FUBP3: variants seen among roughly 807,000 people sequenced by gnomAD.
FUBP3 encodes far upstream element binding protein 3, also known as far upstream element-binding protein 3.
A neutral mutation model predicts 85.6 loss-of-function variants in FUBP3; 28 were observed. The observed-to-expected ratio is 0.33, with a 90% CI of 0.24 to 0.45. The LOEUF is 0.45. FUBP3 is among the 20% of genes least tolerant of loss of function. The probability of loss-of-function intolerance (pLI) is 1.00; values close to 1 mark genes in which losing one functional copy is unlikely to be tolerated. For synonymous variants in FUBP3, 271 were observed against 271.4 expected, an observed-to-expected ratio of 1.00 and a Z score of 0.01; for missense variants, 583 against 755.1, an observed-to-expected ratio of 0.77 and a Z score of 2.67.
intron 1 of FUBP3, among the ~76,000 whole-genome samples, chr9:130,590,537 C>T (rs1241226742): frequency 6.6e-6 from 1 of 152,200 alleles, no homozygotes; most frequent in Non-Finnish European, 1.5e-5. Context: ...AAATTGGTAG[C>T]AGAGTCCTCT....
At chr9:130,624,596 A>G (rs1462260972) in intron 11 of FUBP3, among the ~76,000 whole-genome samples, 2 of 149,850 alleles carry the variant, frequency 1.3e-5, no homozygotes, top group African/African-American at 4.9e-5. Flanking sequence ...CTTTCTTAAA[A>G]TGTTACAAGA....
intron 11 of FUBP3, among the ~76,000 whole-genome samples, chr9:130,626,120 T>C (rs1829961303): frequency 1.3e-5 from 2 of 152,206 alleles, no homozygotes; most frequent in South Asian, 4.1e-4. Context: ...CTATTTCTGT[T>C]GGATACATTT....
chr9:130,626,936 T>G (rs1830002138), intron 12 of FUBP3, among the ~76,000 whole-genome samples: 2 of 152,142 alleles, frequency 1.3e-5, no homozygotes, highest in Admixed American at 1.3e-4. Context: ...CAGGTTTGAG[T>G]ATTTGGTCTT....
chr9:130,596,659 CTAG>C (rs1830887281), intron 2 of FUBP3: 2 of 452,060 alleles, frequency 4.4e-6, no homozygotes, highest in South Asian at 3.2e-5. Context: ...ACCATGCCTC[CTAG>C]TACGTTTTTA....
At chr9:130,580,275 G>C (rs1049644855) in intron 1 of FUBP3, among the ~76,000 whole-genome samples, 3 of 152,242 alleles carry the variant, frequency 2.0e-5, no homozygotes, top group Non-Finnish European at 1.5e-5. Context: ...TTACATGTGT[G>C]GGGGTGGTCC....
chr9:130,600,462 G>A (rs959323874), intron 2 of FUBP3, among the ~76,000 whole-genome samples: 1 of 152,118 alleles, frequency 6.6e-6, no homozygotes, highest in Non-Finnish European at 1.5e-5. Flanking sequence ...TTAGAAGTGC[G>A]AATTTAAATG....
chr9:130,629,559 T>G (rs78548314), intron 12 of FUBP3, among the ~76,000 whole-genome samples: 2,536 of 152,212 alleles, frequency 0.017, 72 homozygotes, highest in African/African-American at 0.057. Flanking sequence ...ACTGGCCCGA[T>G]AGGCTGTTGA....
rs1829813353 is a variant in FUBP3 at position 130,622,820 on chromosome 9, A to G, written c.874+10A>G. 13 of 1,284,976 alleles carry G rather than the reference A, an allele frequency of 1.0e-5. No individual in the cohort carries two copies. Among genetic ancestry groups the G allele is most frequent in the Non-Finnish European group, 1.4e-5 (13 of 907,130 alleles). The allele number at this position is 1,284,976 out of a possible 1,614,324, so 79.6% of individuals were successfully genotyped here. ...ATTCAGTTTAAACCAGGTGGGTATGATGATTTAAAAATCCTTAGTGTTAAA... is the reference window on the plus strand; with the variant it reads ...ATTCAGTTTAAACCAGGTGGGTATGGTGATTTAAAAATCCTTAGTGTTAAA... On this transcript the variant is annotated intron_variant, in intron 10 of 18. Coordinates refer to ENST00000319725, the MANE Select transcript of FUBP3 (RefSeq NM_003934.2).
Position 130,622,787 on chromosome 9 carries a change from G to A in FUBP3, c.851G>A (p.Gly284Asp). 1 of 1,577,522 alleles carries A rather than the reference G, an allele frequency of 6.3e-7. No individual in the cohort carries two copies. Among genetic ancestry groups the A allele is most frequent in the South Asian group, 1.1e-5 (1 of 88,736 alleles). Residue 284 changes from glycine (G) to aspartate (D), a missense_variant, in exon 10 of 19, where the codon GGT becomes GAT. Physicochemically the swap from Gly to Asp is moderately conservative, Grantham distance 94 (BLOSUM62 -1). Coordinates refer to ENST00000319725, the MANE Select transcript of FUBP3 (RefSeq NM_003934.2). Reference protein sequence around the residue: ...EMIKKIQNDAGVRIQFKPDDG... With the variant: ...EMIKKIQNDADVRIQFKPDDG... ...ATCAAAAAGATCCAGAATGATGCTG[G>A]TGTGAGGATTCAGTTTAAACCAGGT...
At chr9:130,603,161 A>G (rs542892268) in intron 2 of FUBP3, among the ~76,000 whole-genome samples, 8 of 152,246 alleles carry the variant, frequency 5.3e-5, no homozygotes, top group African/African-American at 1.4e-4. Context: ...AGCCTGGCCA[A>G]CATGGTAAAA....
At position 130,589,675 on chromosome 9, in the gene FUBP3, GTATATA is replaced by G. The variant is rs1170568300; in HGVS notation, c.85-5782_85-5777del. Among the ~76,000 whole-genome samples, 249 of 34,148 alleles carry G rather than the reference GTATATA, an allele frequency of 7.3e-3. 3 individuals are homozygous for G. The highest frequency in any genetic ancestry group is 8.9e-3 in the South Asian group (8 of 894). The allele number at this position is 34,148 out of a possible 152,430, so 22.4% of individuals were successfully genotyped here. A position where few individuals can be genotyped will look rare whatever the true frequency, so the allele number is the denominator to read the frequency against. On this transcript the variant is annotated intron_variant, in intron 1 of 18. Coordinates refer to ENST00000319725, the MANE Select transcript of FUBP3 (RefSeq NM_003934.2). ...ATTTTAAATATGTATGTATGTGTGT[GTATATA>G]TATATATATATATATATATATATAT... is the stretch of plus-strand genomic sequence containing the variant.
At position 130,609,432 on chromosome 9, in the gene FUBP3, G is replaced by A. The variant is rs111385202; in HGVS notation, c.191-522G>A. 9.1e-3 allele frequency among the ~76,000 whole-genome samples: 1,291 copies of A among 141,716 alleles called. 23 individuals carry two copies. The highest frequency in any genetic ancestry group is 0.032 in the African/African-American group (1,226 of 37,824). The allele number at this position is 141,716 out of a possible 152,430, so 93.0% of individuals were successfully genotyped here. Reference sequence around the variant, plus strand: ...GGATCCTCTCCTTCAGATGCTTATGGTCTTGGGGGTGGGGGGGCCGGCGAG... The same window carrying A: ...GGATCCTCTCCTTCAGATGCTTATGATCTTGGGGGTGGGGGGGCCGGCGAG... On this transcript the variant is annotated intron_variant, in intron 2 of 18. Coordinates refer to ENST00000319725, the MANE Select transcript of FUBP3 (RefSeq NM_003934.2).
At chr9:130,629,243 A>C (rs1179488231) in intron 12 of FUBP3, among the ~76,000 whole-genome samples, 1 of 152,202 alleles carries the variant, frequency 6.6e-6, no homozygotes, top group Non-Finnish European at 1.5e-5. Context: ...CGGTGTCCCC[A>C]GACAGGCGGG....
intron 12 of FUBP3, 31 bp downstream of exon 12, chr9:130,626,536 C>G (rs772229647): frequency 6.2e-7 from 1 of 1,607,122 alleles, no homozygotes; most frequent in Non-Finnish European, 8.5e-7. Flanking sequence ...CACATCCCCC[C>G]TCAGCTGTTT....
chr9:130,601,909 C>A (rs568813978), intron 2 of FUBP3, among the ~76,000 whole-genome samples: 194 of 144,130 alleles, frequency 1.3e-3, no homozygotes, highest in African/African-American at 4.6e-3. Flanking sequence ...TCAAGTGATT[C>A]TCCTGCCTCA....
At chr9:130,592,174 G>C (rs1830654025) in intron 1 of FUBP3, among the ~76,000 whole-genome samples, 1 of 152,220 alleles carries the variant, frequency 6.6e-6, no homozygotes, top group Non-Finnish European at 1.5e-5. Flanking sequence ...GGAGGTTGCA[G>C]TGAGCCAAGA....
At chr9:130,631,818 G>C in intron 14 of FUBP3, 124 bp from the exon 15 acceptor site, 1 of 843,402 alleles carries the variant, frequency 1.2e-6, no homozygotes, top group Non-Finnish European at 2.0e-6. Context: ...GATGGGGTGG[G>C]AGCCTCTCAG....
intron 1 of FUBP3, among the ~76,000 whole-genome samples, chr9:130,594,016 G>T (rs1830742952): frequency 6.6e-6 from 1 of 150,756 alleles, no homozygotes; most frequent in South Asian, 2.1e-4. Flanking sequence ...TCTGCTGCAG[G>T]AATCCTTCTG....
At chr9:130,609,870 C>A in intron 2 of FUBP3, 84 bp from the exon 3 acceptor site, 1 of 1,082,168 alleles carries the variant, frequency 9.2e-7, no homozygotes, top group Non-Finnish European at 1.4e-6. Flanking sequence ...TCCACCCCAC[C>A]CGAAATGGTA....
Sources: allele counts gnomAD v4.1 joint callset (sites outside exome capture counted in the v4.1 genomes callset), GRCh38; gene constraint gnomAD v4.1.1; transcripts MANE v1.5; gene names NCBI Gene and HGNC (gene_info 2026-07-23, HGNC 2026-07-21).